SLC24A2: variants seen among roughly 807,000 people sequenced by gnomAD.
SLC24A2 encodes the protein solute carrier family 24 member 2.
SLC24A2 carries 36 observed loss-of-function variants against 62.0 expected under a neutral mutation model. The observed-to-expected ratio is 0.58, with a 90% CI of 0.44 to 0.77. SLC24A2 has a LOEUF of 0.77. Among genes scored for constraint, SLC24A2 ranks in the 30% least tolerant of loss-of-function variants. The probability of loss-of-function intolerance (pLI) is 0.00; values close to 1 mark genes in which losing one functional copy is unlikely to be tolerated. For missense variants in SLC24A2, 846 were observed against 817.9 expected (o/e 1.03, Z -0.42); for synonymous variants, 358 against 294.0 (o/e 1.22, Z -2.23).
chr9:19,584,082 G>A (rs1586996269), intron 5 of SLC24A2, among the ~76,000 whole-genome samples: 1 of 151,986 alleles, frequency 6.6e-6, no homozygotes, highest in Non-Finnish European at 1.5e-5. Context: ...CCAGCAGAGA[G>A]CAGTCTTCTC....
the SLC24A2 span, among the ~76,000 whole-genome samples, chr9:20,263,916 G>C: frequency 7.8e-6 from 1 of 128,644 alleles, no homozygotes. Flanking sequence ...TGAACATCAT[G>C]TCTGGCTGGG....
intron 2 of SLC24A2, among the ~76,000 whole-genome samples, chr9:19,670,483 T>C (rs1819382527): frequency 6.6e-6 from 1 of 152,330 alleles, no homozygotes; most frequent in African/African-American, 2.4e-5. Context: ...TAATAATAAC[T>C]ATGATGGCTA....
chr9:19,841,853 A>T, the SLC24A2 span, among the ~76,000 whole-genome samples: 1 of 152,184 alleles, frequency 6.6e-6, no homozygotes, highest in South Asian at 2.1e-4. Context: ...GGATATCAGT[A>T]ACACCAGCCA....
At chr9:20,102,221 T>G in the SLC24A2 span, among the ~76,000 whole-genome samples, 12 of 152,170 alleles carry the variant, frequency 7.9e-5, no homozygotes, top group Non-Finnish European at 1.6e-4. Context: ...AAAAGTGTCC[T>G]AAGAGAGAGA....
chr9:20,101,226 C>A, the SLC24A2 span, among the ~76,000 whole-genome samples: 1 of 152,210 alleles, frequency 6.6e-6, no homozygotes, highest in South Asian at 2.1e-4. Context: ...AGGTCGGCAA[C>A]GATGCCCTGG....
the SLC24A2 span, among the ~76,000 whole-genome samples, chr9:20,111,285 G>T: frequency 6.6e-6 from 1 of 152,132 alleles, no homozygotes; most frequent in East Asian, 1.9e-4. Context: ...GGTCATGGAG[G>T]TTAGCCAGAT....
the SLC24A2 span, among the ~76,000 whole-genome samples, chr9:19,953,883 T>C: frequency 6.6e-6 from 1 of 152,018 alleles, no homozygotes; most frequent in Admixed American, 6.6e-5. Flanking sequence ...TCAAAAGAAA[T>C]GTAGTATAAT....
At chr9:19,806,034 G>A in the SLC24A2 span, among the ~76,000 whole-genome samples, 1 of 151,856 alleles carries the variant, frequency 6.6e-6, no homozygotes, top group Non-Finnish European at 1.5e-5. Flanking sequence ...TTTGACTTTG[G>A]CTCTTAAATT....
At chr9:19,648,160 T>G (rs6475357) in intron 2 of SLC24A2, among the ~76,000 whole-genome samples, 2 of 152,168 alleles carry the variant, frequency 1.3e-5, no homozygotes, top group South Asian at 4.1e-4. Flanking sequence ...CCCATTAAGG[T>G]AGATATTATT....
the SLC24A2 span, among the ~76,000 whole-genome samples, chr9:20,135,750 G>C: frequency 6.6e-6 from 1 of 152,036 alleles, no homozygotes; most frequent in East Asian, 1.9e-4. Flanking sequence ...TTTAATTTCT[G>C]AGAATGCATT....
chr9:19,846,244 G>A, the SLC24A2 span, among the ~76,000 whole-genome samples: 2 of 152,134 alleles, frequency 1.3e-5, no homozygotes, highest in African/African-American at 2.4e-5. Flanking sequence ...TGTAGGTTTA[G>A]AAGTACTTAT....
intron 2 of SLC24A2, among the ~76,000 whole-genome samples, chr9:19,762,336 G>C (rs993880157): frequency 1.3e-5 from 2 of 152,126 alleles, no homozygotes; most frequent in African/African-American, 4.8e-5. Context: ...GTCTATTTTA[G>C]CTTTTGTTGC....
chr9:20,269,834 C>T, the SLC24A2 span, among the ~76,000 whole-genome samples: 10 of 152,072 alleles, frequency 6.6e-5, no homozygotes, highest in African/African-American at 1.4e-4. Flanking sequence ...AGGACTTGAC[C>T]GCTTTCTTGT....
the SLC24A2 span, among the ~76,000 whole-genome samples, chr9:20,232,841 C>T: frequency 8.2e-3 from 1,253 of 152,098 alleles, 25 homozygotes; most frequent in South Asian, 0.031. Flanking sequence ...TAGATCTTTC[C>T]TGCTTTCTCT....
the SLC24A2 span, among the ~76,000 whole-genome samples, chr9:20,295,077 CACACAT>C: frequency 2.7e-5 from 4 of 148,542 alleles, no homozygotes; most frequent in African/African-American, 1.0e-4. Context: ...CACACACACA[CACACAT>C]ACACAGTGTG....
At chr9:20,051,652 T>TC in the SLC24A2 span, among the ~76,000 whole-genome samples, 1 of 123,952 alleles carries the variant, frequency 8.1e-6, no homozygotes, top group African/African-American at 3.0e-5. Flanking sequence ...AGGTTTTTTC[T>TC]TTCTCTTTTT....
the SLC24A2 span, among the ~76,000 whole-genome samples, chr9:20,214,026 G>A: frequency 3.3e-5 from 5 of 152,208 alleles, no homozygotes; most frequent in East Asian, 7.7e-4. Context: ...CCATATTGTC[G>A]TGAGTGGCAG....
At chr9:19,580,303 A>C (rs1367189348) in intron 5 of SLC24A2, among the ~76,000 whole-genome samples, 1 of 152,222 alleles carries the variant, frequency 6.6e-6, no homozygotes. Context: ...TTTTCCGTTA[A>C]AGATTAGTTT....
intron 2 of SLC24A2, among the ~76,000 whole-genome samples, chr9:19,623,334 C>T (rs557134018): frequency 4.6e-5 from 7 of 152,278 alleles, no homozygotes; most frequent in South Asian, 2.1e-4. Flanking sequence ...TCTAAACAGA[C>T]GTCTGTCTTC....
Sources: allele counts gnomAD v4.1 joint callset (sites outside exome capture counted in the v4.1 genomes callset), GRCh38; gene constraint gnomAD v4.1.1; transcripts MANE v1.5; gene names NCBI Gene and HGNC (gene_info 2026-07-23, HGNC 2026-07-21).